TOGARAM1: variants seen among roughly 807,000 people sequenced by gnomAD.
TOGARAM1 encodes the protein TOG array regulator of axonemal microtubules 1.
Under a neutral mutation model 166.6 loss-of-function variants are expected in TOGARAM1, and 100 were observed. The ratio of observed to expected loss-of-function variants is 0.60; its 90% CI spans 0.51 to 0.71. The LOEUF is 0.71. TOGARAM1 is among the 30% of genes least tolerant of loss of function. The probability of loss-of-function intolerance (pLI) is 0.00; values close to 1 mark genes in which losing one functional copy is unlikely to be tolerated. For synonymous variants in TOGARAM1, 758 were observed against 763.8 expected, an observed-to-expected ratio of 0.99 and a Z score of 0.13; for missense variants, 2,029 against 2,102.7, an observed-to-expected ratio of 0.96 and a Z score of 0.69.
Position 44,963,336 on chromosome 14 carries a change from A to G in TOGARAM1, c.915A>G (p.Arg305=). ...CTCGTCTGCCCTCTGCCCTGAGGAG[A>G]CACTACAATCGCCGCCTGGAGTCCC... ...YISRLPSALR[R]HYNRRLESQF... Residue 305 remains arginine, a synonymous_variant, in exon 1 of 20, where the codon AGA becomes AGG. Transcript: ENST00000361462. 1 of 1,614,124 alleles carries G rather than the reference A, an allele frequency of 6.2e-7. No individual in the cohort carries two copies. The highest frequency in any genetic ancestry group is 1.1e-5 in the South Asian group (1 of 91,080).
intron 10 of TOGARAM1, 77 bp from the exon 11 acceptor site, chr14:45,032,146 C>T (rs1026773468): frequency 1.4e-5 from 18 of 1,317,542 alleles, no homozygotes; most frequent in Admixed American, 9.7e-5. Flanking sequence ...GGCAACACAG[C>T]GAGACTCCAT....
chr14:45,036,821 G>A (rs956432426), intron 11 of TOGARAM1, among the ~76,000 whole-genome samples: 4 of 152,178 alleles, frequency 2.6e-5, no homozygotes, highest in South Asian at 2.1e-4. Context: ...GTATTAGTCC[G>A]TTTTCATGCT....
At chr14:44,979,484 G>T (rs887149978) in intron 1 of TOGARAM1, among the ~76,000 whole-genome samples, 1 of 152,138 alleles carries the variant, frequency 6.6e-6, no homozygotes, top group African/African-American at 2.4e-5. Context: ...CCTCCCAAAG[G>T]CCCTACCTCT....
intron 6 of TOGARAM1, among the ~76,000 whole-genome samples, chr14:45,011,513 G>A (rs1037227519): frequency 9.2e-5 from 14 of 151,870 alleles, no homozygotes; most frequent in African/African-American, 2.7e-4. Flanking sequence ...GGAGTTTTGC[G>A]ATGGTGCCCA....
At chr14:45,020,151 G>T (rs1293058746) in intron 7 of TOGARAM1, among the ~76,000 whole-genome samples, 1 of 152,178 alleles carries the variant, frequency 6.6e-6, no homozygotes, top group Non-Finnish European at 1.5e-5. Flanking sequence ...CCTAAGAAGG[G>T]GAGAATCCAG....
Position 45,006,029 on chromosome 14 carries a change from C to A in TOGARAM1, c.2666C>A (p.Pro889His). The change falls in exon 5 of 20, where the codon CCT (proline) becomes CAT (histidine). Residue 889 changes from proline (P) to histidine (H), a missense_variant. Pro to His is a moderately conservative substitution (Grantham distance 77). This residue lies in a region of TOGARAM1 where 1,453 missense variants were observed against 1,432.2 expected (regional missense o/e 1.01). Transcript: ENST00000361462. ...GCAGGAGAAAATTCTCAAGAAAAACCTCCAGTTCAGCTTACACCTGCCTTG... is the reference window on the plus strand; with the variant it reads ...GCAGGAGAAAATTCTCAAGAAAAACATCCAGTTCAGCTTACACCTGCCTTG... ...RNHGENSQEK[P>H]PVQLTPALVR... The A allele has an allele frequency of 6.4e-7, 1 of 1,557,800 alleles. No individual in the cohort carries two copies. Among genetic ancestry groups the A allele is most frequent in the Non-Finnish European group, 8.7e-7 (1 of 1,153,858 alleles).
At chr14:45,051,498 A>G (rs556138740) in intron 14 of TOGARAM1, among the ~76,000 whole-genome samples, 3 of 150,896 alleles carry the variant, frequency 2.0e-5, no homozygotes, top group Non-Finnish European at 3.0e-5. Flanking sequence ...CACATGGCAG[A>G]AGGATTTGAA....
chr14:45,003,865 G>A (rs187018178), intron 3 of TOGARAM1, among the ~76,000 whole-genome samples, 196 bp from the exon 4 acceptor site: 2 of 136,348 alleles, frequency 1.5e-5, no homozygotes, highest in South Asian at 2.4e-4. Context: ...TATTTTAATG[G>A]GATAAAGAAG....
chr14:44,966,978 A>G (rs982637678), intron 1 of TOGARAM1, among the ~76,000 whole-genome samples: 1 of 152,078 alleles, frequency 6.6e-6, no homozygotes, highest in Non-Finnish European at 1.5e-5. Context: ...AAACAAAACA[A>G]GAGTAACATG....
chr14:45,005,960 T>C (rs1417207680), intron 4 of TOGARAM1, 48 bp from the exon 5 acceptor site: 3 of 1,477,172 alleles, frequency 2.0e-6, no homozygotes, highest in Middle Eastern at 3.7e-4. Flanking sequence ...AACTCCCTCT[T>C]CTCTAAAATT....
chr14:45,034,198 A>G (rs535689275), intron 11 of TOGARAM1, among the ~76,000 whole-genome samples: 94 of 152,280 alleles, frequency 6.2e-4, no homozygotes, highest in Non-Finnish European at 1.2e-3. Context: ...AGTTTTCAAG[A>G]CACTGTTCAC....
At chr14:44,998,068 C>T (rs929384201) in intron 2 of TOGARAM1, among the ~76,000 whole-genome samples, 2 of 152,092 alleles carry the variant, frequency 1.3e-5, no homozygotes, top group Non-Finnish European at 2.9e-5. Context: ...AAACATTGTT[C>T]CCTAGGAGAA....
chr14:45,048,166 A>G (rs1217418617), intron 14 of TOGARAM1, among the ~76,000 whole-genome samples: 2 of 151,920 alleles, frequency 1.3e-5, no homozygotes, highest in African/African-American at 4.8e-5. Context: ...ATTCTGGCCA[A>G]CATGGTGAAA....
chr14:45,017,433 A>G (rs1419743221), intron 7 of TOGARAM1, among the ~76,000 whole-genome samples: 2 of 140,118 alleles, frequency 1.4e-5, no homozygotes, highest in East Asian at 5.1e-4. Context: ...ACACACACAC[A>G]CGTTTTTAGA....
Position 45,068,613 on chromosome 14 carries a change from A to G in TOGARAM1, c.4939A>G (p.Asn1647Asp), listed in dbSNP as rs1258683867. 1 of 1,610,578 alleles carries G rather than the reference A, an allele frequency of 6.2e-7. No homozygotes were observed. Among genetic ancestry groups the G allele is most frequent in the Non-Finnish European group, 8.5e-7 (1 of 1,178,364 alleles). The change falls in exon 18 of 20, where the codon AAT becomes GAT. Residue 1647 changes from asparagine (N) to aspartate (D), a missense_variant. Coordinates refer to ENST00000361462, the MANE Select transcript of TOGARAM1 (RefSeq NM_001308120.2). ...KNPGIYAAATNVVQALSQHVD... is the reference protein window; with the variant it reads ...KNPGIYAAATDVVQALSQHVD... ...TCCAGGCATCTATGCGGCTGCTACA[A>G]ATGTTGTTCAGGCACTGAGTCAGCA... is the stretch of plus-strand genomic sequence containing the variant.
chr14:45,010,181 A>G (rs1385320485), intron 6 of TOGARAM1, among the ~76,000 whole-genome samples: 5 of 152,162 alleles, frequency 3.3e-5, no homozygotes, highest in Non-Finnish European at 5.9e-5. Flanking sequence ...TTCTAAATAG[A>G]TCATAATGTT....
chr14:44,982,547 G>T (rs1225472075), intron 1 of TOGARAM1, among the ~76,000 whole-genome samples: 1 of 152,196 alleles, frequency 6.6e-6, no homozygotes, highest in East Asian at 1.9e-4. Flanking sequence ...TGGGCACGAG[G>T]TCTGTAGTTT....
At chr14:45,014,978 C>T (rs1477900599) in intron 7 of TOGARAM1, among the ~76,000 whole-genome samples, 2 of 152,136 alleles carry the variant, frequency 1.3e-5, no homozygotes, top group Non-Finnish European at 2.9e-5. Flanking sequence ...TTCCTACCTT[C>T]CTGTTTTTAT....
At chr14:45,059,714 G>A (rs1413158361) in intron 16 of TOGARAM1, among the ~76,000 whole-genome samples, 4 of 151,826 alleles carry the variant, frequency 2.6e-5, no homozygotes, top group East Asian at 3.9e-4. Context: ...AAAATTATAC[G>A]AATACATCAT....
Sources: allele counts gnomAD v4.1 joint callset (sites outside exome capture counted in the v4.1 genomes callset), GRCh38; gene constraint gnomAD v4.1.1; regional missense constraint gnomAD v4.1.1; transcripts MANE v1.5; gene names NCBI Gene and HGNC (gene_info 2026-07-23, HGNC 2026-07-21).